The following PPP2R5C variants were observed in gnomAD, a reference collection of about 807,000 sequenced individuals.
PPP2R5C encodes the protein protein phosphatase 2 regulatory subunit B'gamma.
In PPP2R5C, 7 loss-of-function variants were observed where a neutral mutation model predicts 68.9. That is an observed-to-expected ratio of 0.10 (90% CI 0.06 to 0.19). The LOEUF (loss-of-function observed/expected upper bound fraction) is 0.19. Among genes scored for constraint, PPP2R5C ranks in the 10% least tolerant of loss-of-function variants. The pLI is 1.00. For synonymous variants in PPP2R5C, 210 were observed against 222.2 expected (o/e 0.95, Z 0.49); for missense variants, 348 against 641.3 (o/e 0.54, Z 4.94).
At chr14:101,925,141 G>A (rs369441492) in exon 14 of PPP2R5C, 1 of 1,613,894 alleles carries the variant, frequency 6.2e-7, no homozygotes, top group East Asian at 2.2e-5. Context: ...CTAATTCCAG[G>A]CACAGAAAGA....
upstream of PPP2R5C, among the ~76,000 whole-genome samples, chr14:101,809,049 TTTTAAA>T (rs1252141267): frequency 5.9e-5 from 9 of 152,198 alleles, no homozygotes; most frequent in African/African-American, 1.2e-4. Context: ...ATATCTTTAA[TTTTAAA>T]TTTAAACAAA....
chr14:101,853,060 C>G (rs541807259), intron 1 of PPP2R5C, among the ~76,000 whole-genome samples: 15 of 152,222 alleles, frequency 9.9e-5, no homozygotes, highest in Admixed American at 3.9e-4. Flanking sequence ...TCCACCACCT[C>G]CACCCATTTT....
chr14:101,829,884 C>T (rs528095063), intron 1 of PPP2R5C, among the ~76,000 whole-genome samples: 1 of 151,840 alleles, frequency 6.6e-6, no homozygotes, highest in African/African-American at 2.4e-5. Context: ...TTTCTTTTTT[C>T]GCAGTATTGA....
intron 1 of PPP2R5C, among the ~76,000 whole-genome samples, chr14:101,817,057 A>T (rs901026246): frequency 6.7e-6 from 1 of 150,256 alleles, no homozygotes; most frequent in Non-Finnish European, 1.5e-5. Context: ...TCCTGGGTTC[A>T]AGCAATTCCA....
intron 1 of PPP2R5C, among the ~76,000 whole-genome samples, chr14:101,853,178 T>A (rs910771680): frequency 1.3e-4 from 20 of 152,150 alleles, no homozygotes; most frequent in African/African-American, 4.8e-4. Context: ...AATGGAAATA[T>A]TTGATAGGGC....
In PPP2R5C at chr14:101,825,479, C is replaced by T. The variant is rs919902519; in HGVS notation, c.94+15443C>T. On this transcript the variant is annotated intron_variant, in intron 1 of 13. Transcript: ENST00000334743. The surrounding 1 kb of genome is among the most constrained non-coding windows in gnomAD (Gnocchi z 4.0). The stretch of plus-strand genomic sequence containing the variant: ...TTCCTAGTCCTTATCGTAGAGTGCA[C>T]GCTCCCAGCTTTTGCCCAGCCTATT... Among the ~76,000 whole-genome samples, 22 of 152,142 alleles carry T rather than the reference C, an allele frequency of 1.4e-4. No homozygotes were observed. The highest frequency in any genetic ancestry group is 5.2e-4 in the Admixed American group (8 of 15,274).
At chr14:101,834,105 G>A (rs1017186756) in intron 1 of PPP2R5C, among the ~76,000 whole-genome samples, 16 of 152,264 alleles carry the variant, frequency 1.1e-4, no homozygotes, top group African/African-American at 3.6e-4. Context: ...CACCACACCC[G>A]GCCTGAATCA....
intron 2 of PPP2R5C, among the ~76,000 whole-genome samples, chr14:101,861,116 A>G (rs2042711164): frequency 6.6e-6 from 1 of 152,242 alleles, no homozygotes; most frequent in Non-Finnish European, 1.5e-5. Flanking sequence ...AACTAATTGT[A>G]GCTTTTAAAA....
intron 10 of PPP2R5C, among the ~76,000 whole-genome samples, chr14:101,909,015 T>TAA (rs2046237042): frequency 6.6e-6 from 1 of 152,176 alleles, no homozygotes; most frequent in Non-Finnish European, 1.5e-5. Context: ...TCGGGGCTCT[T>TAA]ACAGGGCTGC....
chr14:101,849,187 T>C (rs536754160), intron 1 of PPP2R5C, among the ~76,000 whole-genome samples: 2 of 152,376 alleles, frequency 1.3e-5, no homozygotes, highest in East Asian at 3.9e-4. Context: ...TAGTCTGAGC[T>C]GTTAGGACGT....
chr14:101,915,611 G>T lies in PPP2R5C; in HGVS notation c.1327-2220G>T, dbSNP rs542806480. 6.6e-6 allele frequency among the ~76,000 whole-genome samples: 1 copy of T among 152,288 alleles called. No homozygotes were observed. Among genetic ancestry groups the T allele is most frequent in the East Asian group, 1.9e-4 (1 of 5,180 alleles). ...GAAGCGTTGGTGTGAAACAGTCCCC[G>T]CAAGTCTCAGGAGTCTTGCAGCCAC... is the stretch of plus-strand genomic sequence containing the variant. On this transcript the variant is annotated intron_variant, in intron 12 of 13. Transcript: ENST00000334743. This position sits in a 1 kb window ranked among gnomAD's most constrained non-coding sequence, Gnocchi z 4.2.
At chr14:101,911,459 C>A (rs923380997) in intron 11 of PPP2R5C, among the ~76,000 whole-genome samples, 5 of 152,218 alleles carry the variant, frequency 3.3e-5, no homozygotes, top group African/African-American at 1.2e-4. Flanking sequence ...CATCTCAGCT[C>A]TCAGTGCAGT....
chr14:101,922,394 C>G (rs571470114), intron 13 of PPP2R5C, among the ~76,000 whole-genome samples: 2 of 152,280 alleles, frequency 1.3e-5, no homozygotes, highest in African/African-American at 2.4e-5. Context: ...GAGGCTGAGG[C>G]AGGAGAATCG....
chr14:101,800,203 C>T (rs1176450052), intron 3 of PPP2R5C, among the ~76,000 whole-genome samples: 1 of 152,094 alleles, frequency 6.6e-6, no homozygotes, highest in Non-Finnish European at 1.5e-5. Context: ...GAGCTGTGAT[C>T]GTGCCACTAG....
intron 2 of PPP2R5C, among the ~76,000 whole-genome samples, chr14:101,769,174 C>T (rs114642322): frequency 0.012 from 1,861 of 152,324 alleles, 40 homozygotes; most frequent in African/African-American, 0.042. Flanking sequence ...GAAACTTCAG[C>T]GAAGCTGTTT....
rs1595469422 is a variant in PPP2R5C at position 101,885,433 on chromosome 14, TCGGGAGCACCC to T, written c.629+1872_629+1882del. ...CCCGTGCCGGCTTGCACAGCCTGCG[TCGGGAGCACCC>T]TGCCTTTCCCTCTGCAGTCATTAGG... On this transcript the variant is annotated intron_variant, in intron 5 of 13. Transcript: ENST00000334743. 3.3e-5 allele frequency among the ~76,000 whole-genome samples: 5 copies of T among 150,456 alleles called. No individual in the cohort carries two copies. In the East Asian group the frequency reaches 9.9e-4, roughly 30 times the overall value.
upstream of PPP2R5C, among the ~76,000 whole-genome samples, chr14:101,806,730 C>G (rs575709907): frequency 6.6e-6 from 1 of 152,222 alleles, no homozygotes; most frequent in East Asian, 1.9e-4. Flanking sequence ...GAGGCTGAGG[C>G]TGGAGGATCA....
chr14:101,896,078 G>A (rs2045304001), intron 8 of PPP2R5C, among the ~76,000 whole-genome samples: 1 of 152,028 alleles, frequency 6.6e-6, no homozygotes, highest in African/African-American at 2.4e-5. Context: ...GGAGTGCAAT[G>A]GTGCAATCTT....
At chr14:101,794,917 C>A (rs2038538064) in intron 3 of PPP2R5C, among the ~76,000 whole-genome samples, 1 of 152,162 alleles carries the variant, frequency 6.6e-6, no homozygotes, top group Non-Finnish European at 1.5e-5. Context: ...AGAGCATCTG[C>A]ACATAATTTC....
Sources: allele counts gnomAD v4.1 joint callset (sites outside exome capture counted in the v4.1 genomes callset), GRCh38; gene constraint gnomAD v4.1.1; non-coding constraint Gnocchi (gnomAD v3.1); transcripts MANE v1.5; gene names NCBI Gene and HGNC (gene_info 2026-07-23, HGNC 2026-07-21).